The following FGD6 variants were observed in gnomAD, a reference collection of about 807,000 sequenced individuals.
The protein encoded by FGD6 is FYVE, RhoGEF and PH domain-containing protein 6.
In FGD6, 90 loss-of-function variants were observed where a neutral mutation model predicts 149.4. That is an observed-to-expected ratio of 0.60 (90% CI 0.51 to 0.72). The LOEUF (loss-of-function observed/expected upper bound fraction) is 0.72, where lower values mean the gene tolerates loss of function less well. FGD6 is among the 30% of genes least tolerant of loss of function. FGD6 has a pLI of 0.00. For missense variants in FGD6, 1,437 were observed against 1,684.8 expected, an observed-to-expected ratio of 0.85 and a Z score of 2.57; for synonymous variants, 527 against 584.0, an observed-to-expected ratio of 0.90 and a Z score of 1.41.
chr12:95,188,514 G>A (rs1223433868), intron 2 of FGD6, among the ~76,000 whole-genome samples: 3 of 152,180 alleles, frequency 2.0e-5, no homozygotes, highest in South Asian at 4.2e-4. Flanking sequence ...TAACCTCATA[G>A]GGACAGAGTT....
At chr12:95,194,645 G>A (rs1881691622) in intron 2 of FGD6, among the ~76,000 whole-genome samples, 2 of 152,260 alleles carry the variant, frequency 1.3e-5, no homozygotes, top group Non-Finnish European at 2.9e-5. Flanking sequence ...GACAAGAGGG[G>A]TCTTGGTGGT....
intron 7 of FGD6, among the ~76,000 whole-genome samples, chr12:95,135,975 G>C (rs1452065706): frequency 6.6e-6 from 1 of 152,072 alleles, no homozygotes; most frequent in African/African-American, 2.4e-5. Context: ...ACAGAGGAGA[G>C]GAAAAGAAGA....
Position 95,217,316 on chromosome 12 carries a change from T to C in FGD6, c.-76A>G, listed in dbSNP as rs185098147. The C allele has an allele frequency of 6.5e-7, 1 of 1,530,314 alleles. No individual in the cohort carries two copies. Among genetic ancestry groups the C allele is most frequent in the African/African-American group, 1.4e-5 (1 of 71,444 alleles). The allele number at this position is 1,530,314 out of a possible 1,614,324, so 94.8% of individuals were successfully genotyped here. ...CCTTTCAGTCCATTGTTCCCACAGT[T>C]CGGGTAGGAGAGAAAAGCCCCCGCA... On this transcript the variant is annotated 5_prime_UTR_variant, in exon 1 of 21. Coordinates refer to ENST00000343958, the MANE Select transcript of FGD6 (RefSeq NM_018351.4).
intron 3 of FGD6, among the ~76,000 whole-genome samples, chr12:95,167,509 C>T (rs1261078177): frequency 6.6e-6 from 1 of 151,588 alleles, no homozygotes; most frequent in African/African-American, 2.4e-5. Flanking sequence ...TCTTTATTGG[C>T]CACTGTATAT....
At chr12:95,177,459 C>T (rs1881163872) in intron 2 of FGD6, among the ~76,000 whole-genome samples, 1 of 152,136 alleles carries the variant, frequency 6.6e-6, no homozygotes, top group Non-Finnish European at 1.5e-5. Context: ...AAGTTCTTTC[C>T]AATTCCCTCA....
At chr12:95,165,954 T>C (rs1005094741) in intron 3 of FGD6, among the ~76,000 whole-genome samples, 2 of 150,280 alleles carry the variant, frequency 1.3e-5, no homozygotes, top group South Asian at 2.1e-4. Flanking sequence ...GCTTGTTTTT[T>C]CTTTTTCTGT....
intron 3 of FGD6, among the ~76,000 whole-genome samples, chr12:95,155,388 T>A (rs1246020548): frequency 6.6e-6 from 1 of 151,674 alleles, no homozygotes; most frequent in African/African-American, 2.4e-5. Flanking sequence ...ATTAGCTGGG[T>A]GTGGTGGCGC....
At chr12:95,179,416 G>A (rs1346294847) in intron 2 of FGD6, among the ~76,000 whole-genome samples, 1 of 151,854 alleles carries the variant, frequency 6.6e-6, no homozygotes, top group Non-Finnish European at 1.5e-5. Flanking sequence ...GAGGTGGGAG[G>A]ATCACTTGAG....
rs1432894823 is a variant in FGD6 at position 95,125,953 on chromosome 12, C to T, written c.3082+8786G>A. On this transcript the variant is annotated intron_variant, in intron 8 of 20. Coordinates refer to ENST00000343958, the MANE Select transcript of FGD6 (RefSeq NM_018351.4). ...CTCACTGATTTCATCCTCAAGTTTC[C>T]ATACAGTGCCCACCAGAAGTATGTC... is the stretch of plus-strand genomic sequence containing the variant. 82 of 1,437,298 alleles carry T rather than the reference C, an allele frequency of 5.7e-5. 1 individual carries two copies. Among genetic ancestry groups the T allele is most frequent in the Non-Finnish European group, 6.8e-5 (69 of 1,021,882 alleles). 89.0% of individuals were successfully genotyped at this position (1,437,298 alleles called of 1,614,324 possible). A position where few individuals can be genotyped will look rare whatever the true frequency, so the allele number is the denominator to read the frequency against.
chr12:95,094,782 C>A, intron 14 of FGD6, 88 bp from the exon 15 acceptor site: 1 of 906,784 alleles, frequency 1.1e-6, no homozygotes, highest in Non-Finnish European at 1.8e-6. Context: ...GCAACAGATC[C>A]CACCACCCTC....
In FGD6 at chr12:95,141,398, T is replaced by C; in HGVS notation, c.2827A>G (p.Met943Val). ...RDLLKELEER[M>V]LHWTEQQRIA... ...ACGGTCCATTTTTACCAGTGCAACA[T>C]TCTTTCCTCCAGTTCCTTCAAGAGA... The change falls in exon 6 of 21, where the codon ATG (methionine) becomes GTG (valine). Residue 943 changes from methionine (M) to valine (V), a missense_variant. Physicochemically the swap from Met to Val is conservative, Grantham distance 21 (BLOSUM62 1). This residue lies in a region of FGD6 where 1,055 missense variants were observed against 1,146.0 expected (regional missense o/e 0.92). Transcript: ENST00000343958. 1 of 1,614,016 alleles carries C rather than the reference T, an allele frequency of 6.2e-7. No homozygotes were observed. The highest frequency in any genetic ancestry group is 1.3e-5 in the African/African-American group (1 of 75,044).
At chr12:95,099,386 G>A (rs1316711873) in intron 14 of FGD6, among the ~76,000 whole-genome samples, 7 of 152,192 alleles carry the variant, frequency 4.6e-5, no homozygotes, top group Admixed American at 4.6e-4. Context: ...GGTGGGAAGA[G>A]ATGGAGAGAC....
chr12:95,175,692 C>G (rs923865778), intron 2 of FGD6, among the ~76,000 whole-genome samples: 16 of 150,502 alleles, frequency 1.1e-4, no homozygotes, highest in African/African-American at 3.7e-4. Context: ...TTGCAGTACT[C>G]AGGAGGCTGA....
At chr12:95,119,452 G>A (rs779372584) in intron 8 of FGD6, among the ~76,000 whole-genome samples, 3 of 152,192 alleles carry the variant, frequency 2.0e-5, no homozygotes, top group Non-Finnish European at 2.9e-5. Flanking sequence ...ATATCATACA[G>A]TACTTAGGTG....
Position 95,094,710 on chromosome 12 carries a change from G to A in FGD6, c.3498-16C>T, listed in dbSNP as rs1379083416. 7 of 1,577,486 alleles carry A rather than the reference G, an allele frequency of 4.4e-6. No individual in the cohort carries two copies. The highest frequency in any genetic ancestry group is 6.1e-6 in the Non-Finnish European group (7 of 1,150,956). ...TGTGGCAGAACTGTTGGGGGCAAAA[G>A]GTTTCATCAACCAGATGTCAGTTTT... On this transcript the variant is annotated splice_polypyrimidine_tract_variant and intron_variant, in intron 14 of 20. Transcript: ENST00000343958.
intron 5 of FGD6, among the ~76,000 whole-genome samples, chr12:95,152,052 G>A (rs1000404472): frequency 6.6e-6 from 1 of 152,132 alleles, no homozygotes; most frequent in African/African-American, 2.4e-5. Context: ...TAGGCTGGCT[G>A]CAGTGGCTCA....
chr12:95,203,622 G>A (rs2056674615), intron 2 of FGD6, among the ~76,000 whole-genome samples: 1 of 152,218 alleles, frequency 6.6e-6, no homozygotes, highest in African/African-American at 2.4e-5. Flanking sequence ...GAAGTTCCTT[G>A]GGAGTAGGCA....
At chr12:95,126,786 G>A (rs1430807056) in intron 8 of FGD6, among the ~76,000 whole-genome samples, 3 of 151,118 alleles carry the variant, frequency 2.0e-5, no homozygotes, top group Non-Finnish European at 4.4e-5. Context: ...AAATTAGCCA[G>A]ACGTGGTAGT....
Position 95,105,091 on chromosome 12 carries a change from A to G in FGD6, c.3418-5T>C, listed in dbSNP as rs1170285446. 6.2e-7 allele frequency: 1 copy of G among 1,604,914 alleles called. No individual in the cohort carries two copies. The highest frequency in any genetic ancestry group is 8.5e-7 in the Non-Finnish European group (1 of 1,177,450). On this transcript the variant is annotated splice_polypyrimidine_tract_variant and splice_region_variant and intron_variant, in intron 13 of 20. Coordinates refer to ENST00000343958, the MANE Select transcript of FGD6 (RefSeq NM_018351.4). The stretch of plus-strand genomic sequence containing the variant: ...TTCTTGGGTAGGTTTTCTGACCTGG[A>G]AGAAAGCACAACAATTTGAGCCGAC...
Sources: allele counts gnomAD v4.1 joint callset (sites outside exome capture counted in the v4.1 genomes callset), GRCh38; gene constraint gnomAD v4.1.1; regional missense constraint gnomAD v4.1.1; transcripts MANE v1.5; gene names NCBI Gene and HGNC (gene_info 2026-07-23, HGNC 2026-07-21).